The following PLGRKT variants were observed in gnomAD, a reference collection of about 807,000 sequenced individuals.
PLGRKT encodes plasminogen receptor (KT).
In PLGRKT, 22 loss-of-function variants were observed where a neutral mutation model predicts 18.5. That is an observed-to-expected ratio of 1.19 (90% CI 0.85 to 1.70). PLGRKT has a LOEUF of 1.70. Ranked by LOEUF, PLGRKT falls within the 40% of genes most tolerant of loss-of-function variation. The probability of loss-of-function intolerance (pLI) is 0.00; values close to 1 mark genes in which losing one functional copy is unlikely to be tolerated. For synonymous variants in PLGRKT, 72 were observed against 52.8 expected (o/e 1.36, Z -1.58); for missense variants, 235 against 174.4 (o/e 1.35, Z -1.96).
At chr9:5,416,396 G>A (rs1351491908) in intron 3 of PLGRKT, among the ~76,000 whole-genome samples, 2 of 152,158 alleles carry the variant, frequency 1.3e-5, no homozygotes, top group Non-Finnish European at 2.9e-5. Context: ...ATGGTAGGGT[G>A]ACTATGTGTC....
intron 3 of PLGRKT, among the ~76,000 whole-genome samples, chr9:5,409,976 G>A (rs1818331684): frequency 6.6e-6 from 1 of 152,064 alleles, no homozygotes; most frequent in South Asian, 2.1e-4. Flanking sequence ...AGTGGGACCT[G>A]GAGAAATTTT....
At chr9:5,361,639 C>T in intron 4 of PLGRKT, 119 bp downstream of exon 4, 1 of 907,612 alleles carries the variant, frequency 1.1e-6, no homozygotes, top group Non-Finnish European at 1.7e-6. Context: ...TAATAGGTTA[C>T]TTTGGTTACA....
At chr9:5,372,130 C>T (rs563201004) in intron 3 of PLGRKT, among the ~76,000 whole-genome samples, 2 of 151,834 alleles carry the variant, frequency 1.3e-5, no homozygotes, top group African/African-American at 4.8e-5. Flanking sequence ...TACAGGCACA[C>T]ACCACCACGC....
At chr9:5,368,968 A>G (rs950557626) in intron 3 of PLGRKT, among the ~76,000 whole-genome samples, 4 of 152,236 alleles carry the variant, frequency 2.6e-5, no homozygotes, top group African/African-American at 9.6e-5. Flanking sequence ...AAGATGGATT[A>G]AAGAGTTATA....
At chr9:5,431,753 G>C (rs1221846150) in intron 3 of PLGRKT, 144 bp downstream of exon 3, 1 of 580,864 alleles carries the variant, frequency 1.7e-6, no homozygotes, top group Non-Finnish European at 3.1e-6. Context: ...CAGATAATTA[G>C]TAAGCCATTT....
intron 1 of PLGRKT, 26 bp from the exon 2 acceptor site, chr9:5,436,720 C>G (rs1329546179): frequency 1.3e-5 from 2 of 152,160 alleles, no homozygotes; most frequent in Non-Finnish European, 2.9e-5. Flanking sequence ...TGCATCACAC[C>G]TTGTAAATTT....
intron 5 of PLGRKT, among the ~76,000 whole-genome samples, chr9:5,360,234 A>G (rs1052273104): frequency 6.6e-6 from 1 of 152,280 alleles, no homozygotes; most frequent in African/African-American, 2.4e-5. Flanking sequence ...ACAATGTAAT[A>G]GTTACAGACA....
At chr9:5,369,364 G>T (rs903799689) in intron 3 of PLGRKT, among the ~76,000 whole-genome samples, 1 of 152,222 alleles carries the variant, frequency 6.6e-6, no homozygotes, top group African/African-American at 2.4e-5. Context: ...GGTCATTAGA[G>T]AAATGCAAAT....
intron 3 of PLGRKT, among the ~76,000 whole-genome samples, chr9:5,392,041 T>G (rs562893982): frequency 6.6e-6 from 1 of 151,920 alleles, no homozygotes; most frequent in Non-Finnish European, 1.5e-5. Context: ...ATATGTACCA[T>G]GAGACCTAGA....
intron 3 of PLGRKT, among the ~76,000 whole-genome samples, chr9:5,374,604 A>T (rs1477975852): frequency 1.3e-5 from 2 of 152,194 alleles, no homozygotes; most frequent in Non-Finnish European, 2.9e-5. Context: ...TTCTAGTTCT[A>T]TTATGTGATT....
At position 5,361,818 on chromosome 9, in the gene PLGRKT, C is replaced by T. The variant is rs192282037; in HGVS notation, c.152G>A (p.Arg51Gln). 4.4e-5 allele frequency: 71 copies of T among 1,613,184 alleles called. No individual in the cohort carries two copies. The highest frequency in any genetic ancestry group is 8.9e-5 in the East Asian group (4 of 44,842). The change falls in exon 4 of 6, where the codon CGG becomes CAG. Residue 51 changes from arginine to glutamine, a missense_variant. Physicochemically the swap from Arg to Gln is conservative, Grantham distance 43. Transcript: ENST00000223864. ...RQMAMQIAWSREFLKYFGTFF... is the reference protein window; with the variant it reads ...RQMAMQIAWSQEFLKYFGTFF... ...AGTTCCAAAATATTTGAGGAATTCC[C>T]GAGACCACGCAATCTGCATGGCCAT...
chr9:5,367,685 G>C (rs889065203), intron 3 of PLGRKT, among the ~76,000 whole-genome samples: 4 of 152,032 alleles, frequency 2.6e-5, no homozygotes, highest in African/African-American at 9.7e-5. Context: ...TCTTGGCAAA[G>C]AATTTATGAC....
At chr9:5,414,325 C>A (rs1225797567) in intron 3 of PLGRKT, among the ~76,000 whole-genome samples, 1 of 152,166 alleles carries the variant, frequency 6.6e-6, no homozygotes, top group Admixed American at 6.5e-5. Context: ...TGCCACCACA[C>A]CCAGCTAATT....
chr9:5,397,723 G>T (rs1262339610), intron 3 of PLGRKT, among the ~76,000 whole-genome samples: 2 of 151,750 alleles, frequency 1.3e-5, no homozygotes, highest in Non-Finnish European at 2.9e-5. Context: ...GAGAAAGCAA[G>T]AACACTACAA....
chr9:5,386,699 C>A (rs1817850963), intron 3 of PLGRKT, among the ~76,000 whole-genome samples: 2 of 151,846 alleles, frequency 1.3e-5, no homozygotes, highest in Non-Finnish European at 2.9e-5. Flanking sequence ...TCTGTTCATC[C>A]CACCTGCTCT....
At chr9:5,360,820 T>C (rs1817245979) in intron 5 of PLGRKT, among the ~76,000 whole-genome samples, 1 of 152,250 alleles carries the variant, frequency 6.6e-6, no homozygotes, top group South Asian at 2.1e-4. Context: ...TGCAAGTTTA[T>C]AAAAGTTTTA....
intron 3 of PLGRKT, among the ~76,000 whole-genome samples, chr9:5,405,482 C>A (rs761353486): frequency 5.9e-5 from 9 of 152,174 alleles, no homozygotes; most frequent in Non-Finnish European, 1.2e-4. Flanking sequence ...TGATCTTTGA[C>A]AAACCTGACA....
chr9:5,384,612 G>C (rs529329843), intron 3 of PLGRKT, among the ~76,000 whole-genome samples: 1 of 152,088 alleles, frequency 6.6e-6, no homozygotes, highest in Non-Finnish European at 1.5e-5. Flanking sequence ...TGAATCATCT[G>C]TGGAAGAGAA....
chr9:5,417,656 C>CT (rs199643819), intron 3 of PLGRKT, among the ~76,000 whole-genome samples: 45,484 of 145,376 alleles, frequency 0.31, 8,061 homozygotes, highest in African/African-American at 0.49. Context: ...GTAAAGTACT[C>CT]TTTTTTTTTT....
Sources: allele counts gnomAD v4.1 joint callset (sites outside exome capture counted in the v4.1 genomes callset), GRCh38; gene constraint gnomAD v4.1.1; transcripts MANE v1.5; gene names NCBI Gene and HGNC (gene_info 2026-07-23, HGNC 2026-07-21).